The following URI1 variants were observed in gnomAD, a reference collection of about 807,000 sequenced individuals.
URI1 encodes the protein unconventional prefoldin RPB5 interactor 1.
In URI1, 39 loss-of-function variants were observed where a neutral mutation model predicts 60.2. The ratio of observed to expected loss-of-function variants is 0.65; its 90% CI spans 0.50 to 0.85. URI1 has a LOEUF of 0.85. Ranked by LOEUF, URI1 falls within the 40% of genes least tolerant of loss-of-function variation. The probability of loss-of-function intolerance (pLI) is 0.00; values close to 1 mark genes in which losing one functional copy is unlikely to be tolerated. For missense variants in URI1, 691 were observed against 665.9 expected (o/e 1.04, Z -0.42); for synonymous variants, 251 against 236.8 (o/e 1.06, Z -0.55).
At chr19:29,939,889 C>A (rs112879556), upstream of URI1, among the ~76,000 whole-genome samples, 2 of 151,936 alleles carry the variant, frequency 1.3e-5, no homozygotes, top group Non-Finnish European at 2.9e-5. Flanking sequence ...AAGGTGGGTC[C>A]GACAATGCTG....
intron 1 of URI1, among the ~76,000 whole-genome samples, chr19:29,952,023 G>T (rs978007517): frequency 4.6e-5 from 7 of 152,304 alleles, no homozygotes; most frequent in African/African-American, 1.7e-4. Flanking sequence ...TGCTGCTGGG[G>T]TGTTAATTGC....
intron 1 of URI1, among the ~76,000 whole-genome samples, chr19:29,929,186 G>C (rs543232772): frequency 1.3e-5 from 2 of 152,254 alleles, no homozygotes; most frequent in East Asian, 3.9e-4. Flanking sequence ...GTTTGACTTT[G>C]TAAGAAACTG....
At chr19:29,935,714 T>TTTTTTTTTTTTTTTTTTTTTTTTTTC (rs2054964136) in intron 1 of URI1, among the ~76,000 whole-genome samples, 5 of 149,232 alleles carry the variant, frequency 3.4e-5, no homozygotes, top group African/African-American at 1.2e-4. Context: ...TTTTTTTTTT[T>TTTTTTTTTTTTTTTTTTTTTTTTTTC]CCCCAGGACT....
chr19:29,946,979 C>G (rs529740255), intron 1 of URI1, among the ~76,000 whole-genome samples: 1 of 152,062 alleles, frequency 6.6e-6, no homozygotes, highest in Admixed American at 6.5e-5. Flanking sequence ...AGGTAAGAGG[C>G]GTGTAGAGAA....
chr19:29,998,807 G>A (rs1461953828), intron 4 of URI1, among the ~76,000 whole-genome samples: 1 of 151,882 alleles, frequency 6.6e-6, no homozygotes, highest in Non-Finnish European at 1.5e-5. Context: ...CTGTTTACAT[G>A]TATAGTAATT....
rs980349421 is a variant in URI1 at position 29,982,756 on chromosome 19, G to C, written c.153-2467G>C. On this transcript the variant is annotated intron_variant, in intron 2 of 10. Transcript: ENST00000392271. ...TCAAATTGGTTAGTGAAATCTTGTA[G>C]GTAATAGTCTTTCTTGAAAGTTTTG... 5.3e-5 allele frequency among the ~76,000 whole-genome samples: 8 copies of C among 152,138 alleles called. No homozygotes were observed. The South Asian group carries it at 1.0e-3, about 20-fold the overall frequency.
intron 4 of URI1, among the ~76,000 whole-genome samples, chr19:29,999,601 A>G (rs1043377482): frequency 1.3e-5 from 2 of 151,614 alleles, no homozygotes; most frequent in Admixed American, 1.3e-4. Flanking sequence ...TGCTTTCAAG[A>G]TTCTCTCTTT....
At chr19:29,995,002 GA>G (rs1244903893) in intron 4 of URI1, among the ~76,000 whole-genome samples, 2 of 151,952 alleles carry the variant, frequency 1.3e-5, no homozygotes, top group Admixed American at 6.6e-5. Flanking sequence ...GGCTGATCTT[GA>G]ACTCCTGACC....
chr19:29,969,845 G>A (rs1479708845), intron 1 of URI1, among the ~76,000 whole-genome samples: 1 of 152,112 alleles, frequency 6.6e-6, no homozygotes, highest in Non-Finnish European at 1.5e-5. Flanking sequence ...GATTGATGTA[G>A]TTTTAGCTTG....
At chr19:29,944,189 AT>A (rs2055074333) in intron 1 of URI1, among the ~76,000 whole-genome samples, 2 of 107,462 alleles carry the variant, frequency 1.9e-5, no homozygotes, top group Admixed American at 9.6e-5. Flanking sequence ...ATATATATAT[AT>A]ATAAAACTTA....
chr19:29,965,380 T>C (rs1017429237), intron 1 of URI1, among the ~76,000 whole-genome samples: 1 of 152,190 alleles, frequency 6.6e-6, no homozygotes, highest in African/African-American at 2.4e-5. Flanking sequence ...ACAGTGGGCA[T>C]GCAAGGTGGA....
chr19:29,984,056 T>A (rs1007524617), intron 2 of URI1, among the ~76,000 whole-genome samples: 1 of 152,228 alleles, frequency 6.6e-6, no homozygotes, highest in Non-Finnish European at 1.5e-5. Flanking sequence ...TGATGAGGAC[T>A]AAAGCATCTG....
At chr19:29,960,865 A>G (rs1022169337) in intron 1 of URI1, among the ~76,000 whole-genome samples, 1 of 152,030 alleles carries the variant, frequency 6.6e-6, no homozygotes, top group Non-Finnish European at 1.5e-5. Flanking sequence ...TAATAATTTT[A>G]TTTTAAGAGA....
At chr19:29,928,750 G>A (rs2054891639) in intron 1 of URI1, among the ~76,000 whole-genome samples, 2 of 152,060 alleles carry the variant, frequency 1.3e-5, no homozygotes, top group Admixed American at 6.6e-5. Context: ...ATATTACATG[G>A]ACATACTTAT....
intron 4 of URI1, among the ~76,000 whole-genome samples, chr19:29,990,778 A>C (rs559484780): frequency 6.6e-6 from 1 of 152,232 alleles, no homozygotes; most frequent in African/African-American, 2.4e-5. Context: ...TGAAAATACA[A>C]AAATACAGAT....
intron 1 of URI1, 67 bp downstream of exon 1, chr19:29,942,731 G>A (rs777824517): frequency 1.6e-4 from 202 of 1,301,786 alleles, no homozygotes; most frequent in Non-Finnish European, 1.9e-4. Flanking sequence ...GCTCTGGGCC[G>A]CCGCCCCGCG....
intron 4 of URI1, among the ~76,000 whole-genome samples, chr19:29,990,569 A>G (rs1206670235): frequency 6.6e-6 from 1 of 152,254 alleles, no homozygotes; most frequent in Non-Finnish European, 1.5e-5. Context: ...GGCAATAAAA[A>G]GATGTGTACC....
Position 30,005,443 on chromosome 19 carries a change from A to G in URI1, c.450A>G (p.Lys150=), listed in dbSNP as rs199923006. 1 of 1,598,296 alleles carries G rather than the reference A, an allele frequency of 6.3e-7. No individual in the cohort carries two copies. Among genetic ancestry groups the G allele is most frequent in the East Asian group, 2.2e-5 (1 of 44,550 alleles). The change falls in exon 5 of 11, where the codon AAA becomes AAG. Residue 150 remains lysine (K), a synonymous_variant. Transcript: ENST00000392271. ...TTGAATTCACAGAAGATTTGCAGAA[A>G]ATGAGCGATGTGAGTATTTGTTTTT... is the stretch of plus-strand genomic sequence containing the variant. The part of the protein sequence containing the change: ...SRVEFTEDLQ[K]MSDAAGDIVD...
chr19:29,977,336 G>A (rs1030035918), intron 2 of URI1, among the ~76,000 whole-genome samples: 1 of 151,876 alleles, frequency 6.6e-6, no homozygotes, highest in Non-Finnish European at 1.5e-5. Flanking sequence ...GTTTTCTTGA[G>A]TTGCCTTCAC....
Sources: allele counts gnomAD v4.1 joint callset (sites outside exome capture counted in the v4.1 genomes callset), GRCh38; gene constraint gnomAD v4.1.1; transcripts MANE v1.5; gene names NCBI Gene and HGNC (gene_info 2026-07-23, HGNC 2026-07-21).